Variants in ANO3 observed in about 807,000 individuals in gnomAD.
ANO3 encodes the protein anoctamin 3.
ANO3 carries 99 observed loss-of-function variants against 144.8 expected under a neutral mutation model. The ratio of observed to expected loss-of-function variants is 0.68; its 90% CI spans 0.58 to 0.81. The LOEUF is 0.81. Ranked by LOEUF, ANO3 falls within the 30% of genes least tolerant of loss-of-function variation. The pLI, the probability that ANO3 is intolerant of heterozygous loss-of-function variation, is 0.00. For missense variants in ANO3, 905 were observed against 1,202.2 expected (o/e 0.75, Z 3.66); for synonymous variants, 414 against 392.6 (o/e 1.05, Z -0.64).
chr11:26,619,121 T>C (rs1277520524), intron 17 of ANO3, among the ~76,000 whole-genome samples: 1 of 152,230 alleles, frequency 6.6e-6, no homozygotes, highest in Non-Finnish European at 1.5e-5. Flanking sequence ...TAAATAAATT[T>C]GAAATATTTT....
chr11:26,597,992 T>A lies in ANO3; in HGVS notation c.1448-373T>A, dbSNP rs182561745. Among the ~76,000 whole-genome samples, 722 of 152,330 alleles carry A rather than the reference T, an allele frequency of 4.7e-3. 4 individuals are homozygous for A. The highest frequency in any genetic ancestry group is 7.6e-3 in the Non-Finnish European group (516 of 68,018). ...CTCTGTAAGCTCTGGACGAGTAGCA[T>A]TTGGCCTTTATTGTGATTCTTGGAG... On this transcript the variant is annotated intron_variant, in intron 14 of 26. Transcript: ENST00000256737.
chr11:26,547,601 G>A, intron 12 of ANO3, 51 bp downstream of exon 12: 1 of 1,524,856 alleles, frequency 6.6e-7, no homozygotes, highest in Non-Finnish European at 9.1e-7. Flanking sequence ...TTCTGAATGG[G>A]CAAAAGTTTA....
At chr11:26,393,207 T>C (rs1231121388) in intron 1 of ANO3, among the ~76,000 whole-genome samples, 1 of 152,156 alleles carries the variant, frequency 6.6e-6, no homozygotes, top group Non-Finnish European at 1.5e-5. Context: ...TGCCACATTT[T>C]ATGCCTTTGT....
chr11:26,550,205 T>C (rs1468146984), intron 12 of ANO3, among the ~76,000 whole-genome samples: 1 of 148,644 alleles, frequency 6.7e-6, no homozygotes, highest in African/African-American at 2.5e-5. Flanking sequence ...CAGAAATAAA[T>C]TAACACAATT....
At chr11:26,463,652 A>G (rs1859497192) in intron 4 of ANO3, among the ~76,000 whole-genome samples, 1 of 151,930 alleles carries the variant, frequency 6.6e-6, no homozygotes, top group Non-Finnish European at 1.5e-5. Context: ...GATTGAGAAT[A>G]CCTTATTGAA....
chr11:26,441,125 T>G (rs911749560), intron 1 of ANO3, among the ~76,000 whole-genome samples: 1 of 135,910 alleles, frequency 7.4e-6, no homozygotes, highest in Non-Finnish European at 1.6e-5. Context: ...TTTTTTTTTT[T>G]TTTTTTTTTT....
chr11:26,262,873 T>C (rs1030798670), intron 1 of ANO3, among the ~76,000 whole-genome samples: 11 of 152,122 alleles, frequency 7.2e-5, no homozygotes, highest in Non-Finnish European at 1.0e-4. Context: ...GCTTCTCAGC[T>C]TTCAGAACTG....
chr11:26,640,825 A>G (rs1027286760), intron 21 of ANO3, among the ~76,000 whole-genome samples: 4 of 152,124 alleles, frequency 2.6e-5, no homozygotes, highest in Admixed American at 6.6e-5. Flanking sequence ...GTAAACCACA[A>G]TTGTCTTTCT....
intron 23 of ANO3, among the ~76,000 whole-genome samples, chr11:26,644,628 ATTG>A (rs1340057076): frequency 6.6e-6 from 1 of 152,112 alleles, no homozygotes; most frequent in African/African-American, 2.4e-5. Flanking sequence ...GGATTTTTGG[ATTG>A]TTGTTCTATC....
chr11:26,556,463 GAA>G (rs562223349), intron 13 of ANO3, among the ~76,000 whole-genome samples: 2 of 142,716 alleles, frequency 1.4e-5, no homozygotes, highest in Admixed American at 7.0e-5. Context: ...GAAACTTCAT[GAA>G]AAAAAAAAAG....
chr11:26,371,371 C>T (rs1263299560), intron 1 of ANO3, among the ~76,000 whole-genome samples: 1 of 152,212 alleles, frequency 6.6e-6, no homozygotes, highest in East Asian at 1.9e-4. Flanking sequence ...GATGTCCAGG[C>T]AGAAGTTTGC....
At chr11:26,224,227 C>G (rs996312217) in intron 1 of ANO3, among the ~76,000 whole-genome samples, 1 of 152,186 alleles carries the variant, frequency 6.6e-6, no homozygotes, top group Non-Finnish European at 1.5e-5. Context: ...TCACCCACAG[C>G]TTGTCAGTTC....
chr11:26,208,435 C>A (rs1182526185), intron 1 of ANO3: 1 of 151,712 alleles, frequency 6.6e-6, no homozygotes, highest in Non-Finnish European at 1.5e-5. Flanking sequence ...ATGGCGTGAA[C>A]CCGGGAGGCG....
intron 24 of ANO3, among the ~76,000 whole-genome samples, chr11:26,651,028 T>C (rs1853514493): frequency 6.6e-6 from 1 of 152,238 alleles, no homozygotes; most frequent in African/African-American, 2.4e-5. Flanking sequence ...ATAACTTTTG[T>C]TTACCACTTT....
intron 1 of ANO3, among the ~76,000 whole-genome samples, chr11:26,239,692 G>A (rs1852617600): frequency 6.6e-6 from 1 of 152,138 alleles, no homozygotes; most frequent in Non-Finnish European, 1.5e-5. Context: ...CCCAGCTTCT[G>A]TCTGTCTTGG....
chr11:26,394,114 C>T (rs2133965758), intron 1 of ANO3, among the ~76,000 whole-genome samples: 1 of 152,234 alleles, frequency 6.6e-6, no homozygotes, highest in African/African-American at 2.4e-5. Flanking sequence ...AAGGAACTTC[C>T]ATAAGCCACT....
chr11:26,558,915 G>A (rs1337635680), intron 13 of ANO3: 3 of 151,732 alleles, frequency 2.0e-5, no homozygotes, highest in Non-Finnish European at 2.9e-5. Context: ...TTTCTCTATC[G>A]TTTCTATGGA....
chr11:26,661,661 TAAC>T lies in ANO3; in HGVS notation c.*1221_*1223del, dbSNP rs1853881272. The T allele has an allele frequency of 6.6e-6, 1 of 152,182 alleles. No homozygotes were observed. Among genetic ancestry groups the T allele is most frequent in the African/African-American group, 2.4e-5 (1 of 41,468 alleles). 9.4% of individuals were successfully genotyped at this position (152,182 alleles called of 1,614,324 possible). On this transcript the variant is annotated 3_prime_UTR_variant, in exon 27 of 27. Coordinates refer to ENST00000256737, the MANE Select transcript of ANO3 (RefSeq NM_031418.4). ...CCATAGTTTTGTTTTGGTTTATTTT[TAAC>T]AACGCTCTAGAAACAAAGTCAAATT...
rs1240229447 is a variant in ANO3 at position 26,544,267 on chromosome 11, T to C, written c.1154+2199T>C. Reference sequence around the variant, plus strand: ...TTCATTATACATATATATATATATATATATATACACACATACACACACACA... The same window carrying C: ...TTCATTATACATATATATATATATACATATATACACACATACACACACACA... On this transcript the variant is annotated intron_variant, in intron 11 of 26. Coordinates refer to ENST00000256737, the MANE Select transcript of ANO3 (RefSeq NM_031418.4). Among the ~76,000 whole-genome samples, 37 of 75,372 alleles carry C rather than the reference T, an allele frequency of 4.9e-4. 3 individuals are homozygous for C. The East Asian group carries it at 0.017, about 35-fold the overall frequency. The allele number at this position is 75,372 out of a possible 152,430, so 49.4% of individuals were successfully genotyped here.
Sources: gnomAD v4.1 joint callset for allele counts (sites outside exome capture counted in the v4.1 genomes callset) on GRCh38, gnomAD v4.1.1 for gene constraint, MANE v1.5 for transcripts, NCBI Gene and HGNC (gene_info 2026-07-23, HGNC 2026-07-21) for gene names.